The following NALF1 variants were observed in gnomAD, a reference collection of about 807,000 sequenced individuals.
The protein encoded by NALF1 is family with sequence similarity 155 member A.
In NALF1, 3 loss-of-function variants were observed where a neutral mutation model predicts 48.4. That is an observed-to-expected ratio of 0.06 (90% CI 0.03 to 0.16). The LOEUF is 0.16. Among genes scored for constraint, NALF1 ranks in the 10% least tolerant of loss-of-function variants. The pLI, the probability that NALF1 is intolerant of heterozygous loss-of-function variation, is 1.00. For synonymous variants in NALF1, 262 were observed against 245.7 expected (o/e 1.07, Z -0.62); for missense variants, 526 against 571.5 (o/e 0.92, Z 0.81).
chr13:107,823,451 G>C (rs780691000), intron 1 of NALF1, among the ~76,000 whole-genome samples: 61 of 152,206 alleles, frequency 4.0e-4, no homozygotes, highest in Non-Finnish European at 4.3e-4. Flanking sequence ...AGTTTTCTTA[G>C]GTTGAAGGCA....
intron 1 of NALF1, among the ~76,000 whole-genome samples, chr13:107,809,982 TCTC>T (rs1308967903): frequency 6.6e-6 from 1 of 152,054 alleles, no homozygotes; most frequent in African/African-American, 2.4e-5. Flanking sequence ...TTTCTTCTTC[TCTC>T]CTATTTTACC....
intron 1 of NALF1, among the ~76,000 whole-genome samples, chr13:107,606,480 C>T (rs945854992): frequency 3.9e-5 from 6 of 152,076 alleles, no homozygotes; most frequent in African/African-American, 1.2e-4. Flanking sequence ...ATTCTCCTGC[C>T]TCAGCCTCCT....
intron 1 of NALF1, among the ~76,000 whole-genome samples, chr13:107,473,114 T>C (rs748562121): frequency 2.6e-5 from 4 of 152,234 alleles, no homozygotes; most frequent in Non-Finnish European, 4.4e-5. Context: ...CTTTCTTTTG[T>C]GTTTACTTTC....
intron 2 of NALF1, among the ~76,000 whole-genome samples, chr13:107,200,610 A>C (rs1594066806): frequency 6.6e-6 from 1 of 152,242 alleles, no homozygotes; most frequent in Non-Finnish European, 1.5e-5. Flanking sequence ...TGCCTTGCAG[A>C]ACTGCATTTA....
intron 1 of NALF1, among the ~76,000 whole-genome samples, chr13:107,701,223 T>C (rs1273655387): frequency 1.3e-5 from 2 of 152,072 alleles, no homozygotes; most frequent in Non-Finnish European, 2.9e-5. Flanking sequence ...AGCCAAAATA[T>C]GGAAACAACC....
chr13:107,519,775 G>C (rs1876176372), intron 1 of NALF1, among the ~76,000 whole-genome samples: 1 of 152,160 alleles, frequency 6.6e-6, no homozygotes, highest in African/African-American at 2.4e-5. Context: ...ACAGCCAACT[G>C]TCTTGATATT....
intron 1 of NALF1, among the ~76,000 whole-genome samples, chr13:107,690,840 A>G (rs1263012484): frequency 1.3e-5 from 2 of 152,230 alleles, no homozygotes; most frequent in Non-Finnish European, 2.9e-5. Flanking sequence ...GTCATGGAGA[A>G]GGTACATTCA....
rs1875195335 is a variant in NALF1 at position 107,492,982 on chromosome 13, A to T, written c.916-282227T>A. On this transcript the variant is annotated intron_variant, in intron 1 of 2. Transcript: ENST00000375915. Reference sequence around the variant, plus strand: ...TATTAAGAACAAGTGTGGCTGAATTAGAATTTGTTGCTAGAATTTTGTGCA... The same window carrying T: ...TATTAAGAACAAGTGTGGCTGAATTTGAATTTGTTGCTAGAATTTTGTGCA... Among the ~76,000 whole-genome samples the T allele has an allele frequency of 2.0e-5, 3 of 152,216 alleles. No homozygotes were observed. In the South Asian group the frequency reaches 6.2e-4, roughly 31 times the overall value.
chr13:107,191,551 C>G lies in NALF1; in HGVS notation c.1087+19033G>C, dbSNP rs955422342. 1.3e-5 allele frequency among the ~76,000 whole-genome samples: 2 copies of G among 152,132 alleles called. 1 individual carries two copies. The highest frequency in any genetic ancestry group is 4.1e-4 in the South Asian group (2 of 4,822). ...TTTTGAAGTACATGTTTCCTAGAGG[C>G]GATGAAGAAGCTGATATGTTAGAAG... On this transcript the variant is annotated intron_variant, in intron 2 of 2. Coordinates refer to ENST00000375915, the MANE Select transcript of NALF1 (RefSeq NM_001080396.3).
intron 1 of NALF1, among the ~76,000 whole-genome samples, chr13:107,438,722 G>A (rs1884502426): frequency 1.3e-5 from 2 of 150,414 alleles, no homozygotes; most frequent in Admixed American, 6.6e-5. Context: ...CAACTCAGGA[G>A]GCTGAGGCTG....
At chr13:107,678,231 A>T (rs998468663) in intron 1 of NALF1, among the ~76,000 whole-genome samples, 19 of 152,144 alleles carry the variant, frequency 1.2e-4, no homozygotes, top group African/African-American at 3.4e-4. Context: ...CACAGACAGG[A>T]GGACATGGTG....
At chr13:107,399,998 G>A (rs1883777474) in intron 1 of NALF1, among the ~76,000 whole-genome samples, 1 of 151,882 alleles carries the variant, frequency 6.6e-6, no homozygotes, top group Non-Finnish European at 1.5e-5. Context: ...ACAAGACTAT[G>A]GTGTATAATA....
intron 2 of NALF1, 102 bp from the exon 3 acceptor site, chr13:107,170,888 G>T: frequency 9.6e-7 from 1 of 1,045,396 alleles, no homozygotes; most frequent in Non-Finnish European, 1.4e-6. Flanking sequence ...AAATCTTACA[G>T]GCAATTAGAC....
At chr13:107,630,808 G>A (rs528316071) in intron 1 of NALF1, among the ~76,000 whole-genome samples, 2 of 152,072 alleles carry the variant, frequency 1.3e-5, no homozygotes, top group Admixed American at 1.3e-4. Flanking sequence ...GATGATTGAA[G>A]ATCAGTTGTT....
intron 1 of NALF1, among the ~76,000 whole-genome samples, chr13:107,427,108 T>C (rs943185825): frequency 6.6e-6 from 1 of 151,720 alleles, no homozygotes; most frequent in Non-Finnish European, 1.5e-5. Flanking sequence ...AATTGTGTGA[T>C]ATGAACATGT....
At chr13:107,602,309 G>A (rs545943923) in intron 1 of NALF1, among the ~76,000 whole-genome samples, 6 of 152,180 alleles carry the variant, frequency 3.9e-5, no homozygotes, top group South Asian at 2.1e-4. Flanking sequence ...GTTAGAAAGC[G>A]GCTGAGAATA....
intron 1 of NALF1, among the ~76,000 whole-genome samples, chr13:107,231,606 T>A (rs1880226467): frequency 6.6e-6 from 1 of 152,264 alleles, no homozygotes; most frequent in East Asian, 1.9e-4. Flanking sequence ...TTGGTTTTAC[T>A]AGCAGCTCTT....
intron 1 of NALF1, among the ~76,000 whole-genome samples, chr13:107,738,047 C>T (rs1469239532): frequency 2.6e-5 from 4 of 152,114 alleles, no homozygotes; most frequent in Non-Finnish European, 4.4e-5. Flanking sequence ...TTTAAAAACA[C>T]GGCTCTTTGC....
At chr13:107,840,245 G>A (rs9520596) in intron 1 of NALF1, among the ~76,000 whole-genome samples, 58,220 of 152,060 alleles carry the variant, frequency 0.38, 12,881 homozygotes, top group Non-Finnish European at 0.51. Flanking sequence ...ACTGCAGAAG[G>A]ATTGTGATCT....
Sources: gnomAD v4.1 joint callset for allele counts (sites outside exome capture counted in the v4.1 genomes callset) on GRCh38, gnomAD v4.1.1 for gene constraint, MANE v1.5 for transcripts, NCBI Gene and HGNC (gene_info 2026-07-23, HGNC 2026-07-21) for gene names.